The following TULP4 variants were observed in gnomAD, a reference collection of about 807,000 sequenced individuals.
TULP4 encodes tubby-related protein 4.
A neutral mutation model predicts 129.0 loss-of-function variants in TULP4; 16 were observed. That is an observed-to-expected ratio of 0.12 (90% CI 0.08 to 0.19). TULP4 has a LOEUF of 0.19. Among genes scored for constraint, TULP4 ranks in the 10% least tolerant of loss-of-function variants. The pLI is 1.00. For missense variants in TULP4, 1,842 were observed against 2,059.1 expected (o/e 0.89, Z 2.04); for synonymous variants, 998 against 854.0 (o/e 1.17, Z -2.94).
At chr6:158,437,018 C>T (rs1778768488) in intron 3 of TULP4, among the ~76,000 whole-genome samples, 4 of 152,202 alleles carry the variant, frequency 2.6e-5, no homozygotes, top group African/African-American at 9.6e-5. Flanking sequence ...CCTGAGGCCA[C>T]TGTGTCTTCA....
intron 1 of TULP4, among the ~76,000 whole-genome samples, chr6:158,376,973 C>T (rs1777205172): frequency 6.6e-6 from 1 of 152,220 alleles, no homozygotes; most frequent in Admixed American, 6.5e-5. Flanking sequence ...AAAAGTAAAA[C>T]TGCTTGTCTG....
At chr6:158,252,264 T>C (rs1198539082) in intron 1 of TULP4, among the ~76,000 whole-genome samples, 1 of 152,210 alleles carries the variant, frequency 6.6e-6, no homozygotes, top group East Asian at 1.9e-4. Context: ...TATCGATCTT[T>C]TTTCCATTGT....
At chr6:158,305,768 A>G (rs554942092) in intron 1 of TULP4, among the ~76,000 whole-genome samples, 2 of 151,786 alleles carry the variant, frequency 1.3e-5, no homozygotes, top group African/African-American at 4.8e-5. Context: ...TCATGCCGCC[A>G]TGAACATTGG....
intron 1 of TULP4, among the ~76,000 whole-genome samples, chr6:158,351,513 C>G (rs1463473620): frequency 6.6e-6 from 1 of 152,072 alleles, no homozygotes; most frequent in Admixed American, 6.5e-5. Flanking sequence ...GTTATACATA[C>G]TGTGTTCTTA....
chr6:158,497,015 T>C (rs1314461555), intron 11 of TULP4, among the ~76,000 whole-genome samples: 1 of 152,202 alleles, frequency 6.6e-6, no homozygotes, highest in Non-Finnish European at 1.5e-5. Flanking sequence ...CATGCCCAGC[T>C]AATTTTTTAA....
At chr6:158,504,232 C>A in intron 13 of TULP4, 54 bp downstream of exon 13, 2 of 1,398,330 alleles carry the variant, frequency 1.4e-6, no homozygotes, top group Non-Finnish European at 1.9e-6. Context: ...GGTTTCAGTG[C>A]TTCGGCCTTC....
chr6:158,365,264 A>G (rs936368915), intron 1 of TULP4, among the ~76,000 whole-genome samples: 1 of 152,070 alleles, frequency 6.6e-6, no homozygotes, highest in East Asian at 1.9e-4. Context: ...TTCTATACAC[A>G]GAGTGAATTT....
At position 158,373,899 on chromosome 6, in the gene TULP4, CAGGAGA is replaced by C. The variant is rs1777126942; in HGVS notation, c.253-39165_253-39160del. Among the ~76,000 whole-genome samples, 6 of 152,242 alleles carry C rather than the reference CAGGAGA, an allele frequency of 3.9e-5. No individual in the cohort carries two copies. In the South Asian group the frequency reaches 1.2e-3, roughly 32 times the overall value. ...GGTAGGTTTCATATGGGCGGGGAGA[CAGGAGA>C]CCTTACTAATGAGAATAGGGTGTGC... On this transcript the variant is annotated intron_variant, in intron 1 of 13. Coordinates refer to ENST00000367097, the MANE Select transcript of TULP4 (RefSeq NM_020245.5).
chr6:158,473,557 T>G (rs999249128), intron 6 of TULP4, among the ~76,000 whole-genome samples: 2 of 152,234 alleles, frequency 1.3e-5, no homozygotes, highest in Non-Finnish European at 2.9e-5. Context: ...TTGCTCTCGT[T>G]GCTTAGGCTG....
rs374006966 is a variant in TULP4, at chr6:158,332,650, AT to A, written c.252+18384del. 2.0e-3 allele frequency among the ~76,000 whole-genome samples: 303 copies of A among 152,238 alleles called. 2 individuals carry two copies. The highest frequency in any genetic ancestry group is 6.5e-3 in the African/African-American group (268 of 41,532). On this transcript the variant is annotated intron_variant, in intron 1 of 13. Coordinates refer to ENST00000367097, the MANE Select transcript of TULP4 (RefSeq NM_020245.5). ...TTCTATGTTGAGGAGCTATAGAAAG[AT>A]TGTCACTAGGCCAAAGCTGTAAGGT...
rs1780385251 is a variant in TULP4 at position 158,498,827 on chromosome 6, A to T, written c.2014+15A>T. 1 of 1,612,908 alleles carries T rather than the reference A, an allele frequency of 6.2e-7. No individual in the cohort carries two copies. Among genetic ancestry groups the T allele is most frequent in the Admixed American group, 1.7e-5 (1 of 59,978 alleles). Reference sequence around the variant, plus strand: ...TGATTTACCAGGTGTGTTCACATACATCAACGTGTTTGTCACGGTCCCTCT... The same window carrying T: ...TGATTTACCAGGTGTGTTCACATACTTCAACGTGTTTGTCACGGTCCCTCT... On this transcript the variant is annotated intron_variant, in intron 12 of 13. Transcript: ENST00000367097.
At chr6:158,329,624 CAA>C (rs1393548173) in intron 1 of TULP4, among the ~76,000 whole-genome samples, 1 of 152,058 alleles carries the variant, frequency 6.6e-6, no homozygotes, top group Non-Finnish European at 1.5e-5. Flanking sequence ...ATACAGAAAA[CAA>C]GAGTGTAAAA....
At chr6:158,262,823 C>T (rs1259001239) in intron 1 of TULP4, among the ~76,000 whole-genome samples, 1 of 152,046 alleles carries the variant, frequency 6.6e-6, no homozygotes, top group Non-Finnish European at 1.5e-5. Flanking sequence ...GGAGTGCAGC[C>T]GGTTGTGGAC....
At chr6:158,302,259 T>A (rs1779145309) in intron 1 of TULP4, among the ~76,000 whole-genome samples, 1 of 152,224 alleles carries the variant, frequency 6.6e-6, no homozygotes, top group Admixed American at 6.5e-5. Context: ...TGCAGGCTCC[T>A]GATTATTGAT....
At chr6:158,241,948 C>T in intron 1 of TULP4, 3 of 863,562 alleles carry the variant, frequency 3.5e-6, no homozygotes, top group African/African-American at 1.6e-5. Flanking sequence ...AAACTCTACT[C>T]TTTCCGCATT....
At chr6:158,465,333 T>C (rs563660801) in intron 6 of TULP4, among the ~76,000 whole-genome samples, 99 of 152,364 alleles carry the variant, frequency 6.5e-4, no homozygotes, top group Middle Eastern at 6.8e-3. Flanking sequence ...TGTGTCAGAA[T>C]TTTCTTTCTT....
chr6:158,253,450 G>A (rs754628977), intron 1 of TULP4, among the ~76,000 whole-genome samples: 31 of 152,110 alleles, frequency 2.0e-4, no homozygotes, highest in Non-Finnish European at 4.4e-4. Context: ...TGGAGAGGGC[G>A]GGCAGGGAAT....
At chr6:158,500,474 C>T (rs10499308) in intron 12 of TULP4, among the ~76,000 whole-genome samples, 2,909 of 152,320 alleles carry the variant, frequency 0.019, 84 homozygotes, top group African/African-American at 0.066. Flanking sequence ...TGTCACATTT[C>T]CTAATCATGG....
chr6:158,359,773 A>G (rs1780726262), intron 1 of TULP4, among the ~76,000 whole-genome samples: 1 of 152,030 alleles, frequency 6.6e-6, no homozygotes, highest in East Asian at 1.9e-4. Context: ...CCATCACACA[A>G]CTGAAGCTGG....
Sources: gnomAD v4.1 joint callset for allele counts (sites outside exome capture counted in the v4.1 genomes callset) on GRCh38, gnomAD v4.1.1 for gene constraint, MANE v1.5 for transcripts, NCBI Gene and HGNC (gene_info 2026-07-23, HGNC 2026-07-21) for gene names.